The following ATE1 variants were observed in gnomAD, a reference collection of about 807,000 sequenced individuals.
ATE1 encodes arginyltransferase 1, also known as arginyl-tRNA--protein transferase 1.
ATE1 carries 36 observed loss-of-function variants against 70.5 expected under a neutral mutation model. The observed-to-expected ratio is 0.51, with a 90% confidence interval of 0.39 to 0.67. ATE1 has a LOEUF of 0.67. Ranked by LOEUF, ATE1 falls within the 30% of genes least tolerant of loss-of-function variation. The pLI is 0.00. For missense variants in ATE1, 593 were observed against 629.5 expected (o/e 0.94, Z 0.62); for synonymous variants, 232 against 219.3 (o/e 1.06, Z -0.51).
At chr10:121,818,541 G>A (rs757730840) in intron 10 of ATE1, among the ~76,000 whole-genome samples, 2 of 152,148 alleles carry the variant, frequency 1.3e-5, no homozygotes, top group African/African-American at 2.4e-5. Context: ...AGAGCAGGCC[G>A]CATATGCTTT....
chr10:121,823,177 C>A (rs1947869020), intron 10 of ATE1, among the ~76,000 whole-genome samples: 1 of 152,080 alleles, frequency 6.6e-6, no homozygotes, highest in African/African-American at 2.4e-5. Flanking sequence ...TTAGTCCCAG[C>A]TACTCAGTAG....
At chr10:121,818,814 T>C (rs1947667914) in intron 10 of ATE1, among the ~76,000 whole-genome samples, 2 of 152,224 alleles carry the variant, frequency 1.3e-5, no homozygotes, top group African/African-American at 4.8e-5. Flanking sequence ...AACCACATTA[T>C]ATATACACGA....
chr10:121,919,017 T>TA (rs1951772956), intron 3 of ATE1, among the ~76,000 whole-genome samples: 2 of 144,944 alleles, frequency 1.4e-5, no homozygotes, highest in South Asian at 4.3e-4. Flanking sequence ...CAGCACTCTA[T>TA]AAAATGGACC....
In ATE1 at chr10:121,927,245, T is replaced by C. The variant is rs144789726; in HGVS notation, c.106+599A>G. 22 of 985,170 alleles carry C rather than the reference T, an allele frequency of 2.2e-5. No individual in the cohort carries two copies. The East Asian group carries it at 2.3e-3, about 102-fold the overall frequency. The allele number at this position is 985,170 out of a possible 1,614,324, so 61.0% of individuals were successfully genotyped here. On this transcript the variant is annotated intron_variant, in intron 1 of 11. Transcript: ENST00000224652. ...GTGGGTGGAGGAAAGACACGGCATA[T>C]AAGCAAATGGTAAAAATTTCAAACA...
chr10:121,848,501 C>T (rs1261567807), intron 8 of ATE1, among the ~76,000 whole-genome samples: 1 of 151,628 alleles, frequency 6.6e-6, no homozygotes, highest in African/African-American at 2.4e-5. Flanking sequence ...GCCTGTAATC[C>T]CAGCTATTCA....
chr10:121,899,417 C>G (rs939876300), intron 7 of ATE1, among the ~76,000 whole-genome samples: 6 of 152,178 alleles, frequency 3.9e-5, no homozygotes, highest in South Asian at 4.2e-4. Flanking sequence ...TAGTCCCACT[C>G]AATTGTGCAA....
intron 11 of ATE1, among the ~76,000 whole-genome samples, chr10:121,783,885 T>A (rs2132905): frequency 0.94 from 142,340 of 150,838 alleles, 67,263 homozygotes; most frequent in Non-Finnish European, 0.98. Context: ...TGGGGGAAAA[T>A]TTTTTTTTTT....
In ATE1 at chr10:121,927,991, G is replaced by C; in HGVS notation, c.-42C>G. ...ACGCTCAGCCGCCCGGCCCCGCGTC[G>C]CTAGCGCGGCCGCCGCCGCCACCCC... On this transcript the variant is annotated 5_prime_UTR_variant, in exon 1 of 12. Transcript: ENST00000224652. 1 of 1,421,914 alleles carries C rather than the reference G, an allele frequency of 7.0e-7. No individual in the cohort carries two copies. The highest frequency in any genetic ancestry group is 9.2e-7 in the Non-Finnish European group (1 of 1,084,912). 88.1% of individuals were successfully genotyped at this position (1,421,914 alleles called of 1,614,324 possible). A position where few individuals can be genotyped will look rare whatever the true frequency, so the allele number is the denominator to read the frequency against.
Position 121,741,431 on chromosome 10 carries a change from A to G in ATE1, c.*2249T>C, listed in dbSNP as rs1944143948. On this transcript the variant is annotated 3_prime_UTR_variant, in exon 12 of 12. Coordinates refer to ENST00000224652, the MANE Select transcript of ATE1 (RefSeq NM_001001976.3). ...GTGTCAACCTACAATGCCACCCTCA[A>G]GGAAAGCACAGTGGTTCACAGACAG... 6.6e-6 allele frequency: 1 copy of G among 152,244 alleles called. No homozygotes were observed. Among genetic ancestry groups the G allele is most frequent in the Non-Finnish European group, 1.5e-5 (1 of 68,058 alleles). 9.4% of individuals were successfully genotyped at this position (152,244 alleles called of 1,614,324 possible).
Position 121,867,502 on chromosome 10 carries a change from C to T in ATE1, c.975+2504G>A, listed in dbSNP as rs145601077. Among the ~76,000 whole-genome samples the T allele has an allele frequency of 2.1e-3, 325 of 152,276 alleles. 1 individual carries two copies. Among genetic ancestry groups the T allele is most frequent in the African/African-American group, 7.4e-3 (306 of 41,550 alleles). On this transcript the variant is annotated intron_variant, in intron 8 of 11. Coordinates refer to ENST00000224652, the MANE Select transcript of ATE1 (RefSeq NM_001001976.3). ...TTATCTCATCTAAGTTCCTGCCAGC[C>T]CCTTTTTCCCAAGGTTAGATGCCGT... is the stretch of plus-strand genomic sequence containing the variant.
At chr10:121,927,488 C>T (rs1952143645) in intron 1 of ATE1, 1 of 985,220 alleles carries the variant, frequency 1.0e-6, no homozygotes, top group African/African-American at 1.7e-5. Flanking sequence ...GGGACGCTCC[C>T]ACCGCAGCAC....
chr10:121,852,489 T>G (rs1447184481), intron 8 of ATE1, among the ~76,000 whole-genome samples: 1 of 152,070 alleles, frequency 6.6e-6, no homozygotes, highest in East Asian at 1.9e-4. Flanking sequence ...GGCAGGCAGC[T>G]CACTTGAGGT....
Position 121,836,791 on chromosome 10 carries a change from T to A in ATE1, c.1184A>T (p.His395Leu). 3.1e-6 allele frequency: 5 copies of A among 1,603,278 alleles called. No homozygotes were observed. Among genetic ancestry groups the A allele is most frequent in the East Asian group, 2.2e-5 (1 of 44,526 alleles). The change falls in exon 10 of 12, where the codon CAT (histidine) becomes CTT (leucine). Residue 395 changes from histidine to leucine, a missense_variant. His to Leu is a moderately conservative substitution (Grantham distance 99). This residue lies in a region of ATE1 where 36 missense variants were observed against 66.3 expected (regional missense o/e 0.54). Coordinates refer to ENST00000224652, the MANE Select transcript of ATE1 (RefSeq NM_001001976.3). Reference sequence around the variant, plus strand: ...ATAGCTGAGTTGAGAAGTTTTCTCATGAAGCTGCCTAGTAAAAGCAATTTC... The same window carrying A: ...ATAGCTGAGTTGAGAAGTTTTCTCAAGAAGCTGCCTAGTAAAAGCAATTTC... ...LREIAFTRQL[H>L]EKTSQLSYYY...
At chr10:121,750,050 A>C (rs1722168175) in intron 11 of ATE1, among the ~76,000 whole-genome samples, 1 of 152,222 alleles carries the variant, frequency 6.6e-6, no homozygotes, top group Non-Finnish European at 1.5e-5. Context: ...CATAATTAAC[A>C]TGAAAACCTA....
At chr10:121,831,383 TATC>T (rs1489898067) in intron 10 of ATE1, among the ~76,000 whole-genome samples, 1 of 152,200 alleles carries the variant, frequency 6.6e-6, no homozygotes, top group Admixed American at 6.5e-5. Flanking sequence ...TTTACATCAT[TATC>T]AGCAGACAGA....
In ATE1 at chr10:121,740,518, A is replaced by C. The variant is rs1944118811; in HGVS notation, c.*3162T>G. 1 of 152,220 alleles carries C rather than the reference A, an allele frequency of 6.6e-6. No individual in the cohort carries two copies. Among genetic ancestry groups the C allele is most frequent in the African/African-American group, 2.4e-5 (1 of 41,472 alleles). 9.4% of individuals were successfully genotyped at this position (152,220 alleles called of 1,614,324 possible). ...AGAGCAAAAAATACCACATGCAGTC[A>C]AACTTCTTTTGCCTTATAGTCATTG... On this transcript the variant is annotated 3_prime_UTR_variant, in exon 12 of 12. Coordinates refer to ENST00000224652, the MANE Select transcript of ATE1 (RefSeq NM_001001976.3).
At chr10:121,778,964 A>G (rs1381930361) in intron 11 of ATE1, among the ~76,000 whole-genome samples, 2 of 152,024 alleles carry the variant, frequency 1.3e-5, no homozygotes, top group African/African-American at 4.8e-5. Context: ...GTCTTCTTCA[A>G]TGACTTTCAC....
intron 3 of ATE1, among the ~76,000 whole-genome samples, chr10:121,919,456 G>A (rs1951791885): frequency 6.6e-6 from 1 of 152,104 alleles, no homozygotes; most frequent in African/African-American, 2.4e-5. Flanking sequence ...AGCTAGTCGG[G>A]AGGCTGAGGC....
chr10:121,884,826 T>G (rs1321078862), intron 7 of ATE1, among the ~76,000 whole-genome samples: 1 of 152,220 alleles, frequency 6.6e-6, no homozygotes, highest in Non-Finnish European at 1.5e-5. Flanking sequence ...AAATGTCTTG[T>G]CACGGACCTT....
Sources: allele counts gnomAD v4.1 joint callset (sites outside exome capture counted in the v4.1 genomes callset), GRCh38; gene constraint gnomAD v4.1.1; regional missense constraint gnomAD v4.1.1; transcripts MANE v1.5; gene names NCBI Gene and HGNC (gene_info 2026-07-23, HGNC 2026-07-21).